The following SIRT3 variants were observed in gnomAD, a reference collection of about 807,000 sequenced individuals.
SIRT3 encodes the protein sirtuin 3.
A neutral mutation model predicts 33.5 loss-of-function variants in SIRT3; 26 were observed. The ratio of observed to expected loss-of-function variants is 0.78; its 90% confidence interval spans 0.57 to 1.08. SIRT3 has a LOEUF of 1.08. Among genes scored for constraint, SIRT3 ranks in the 50% least tolerant of loss-of-function variants. The probability of loss-of-function intolerance (pLI) is 0.00; values close to 1 mark genes in which losing one functional copy is unlikely to be tolerated. For synonymous variants in SIRT3, 237 were observed against 222.1 expected (o/e 1.07, Z -0.60); for missense variants, 585 against 530.1 (o/e 1.10, Z -1.02).
chr11:236,301 C>A lies in SIRT3; in HGVS notation c.28G>T (p.Ala10Ser). 6.6e-7 allele frequency: 1 copy of A among 1,523,370 alleles called. No homozygotes were observed. The highest frequency in any genetic ancestry group is 1.2e-5 in the South Asian group (1 of 82,156). 94.4% of individuals were successfully genotyped at this position (1,523,370 alleles called of 1,614,324 possible). A position where few individuals can be genotyped will look rare whatever the true frequency, so the allele number is the denominator to read the frequency against. ...ACCCGGCCCCACAGCCGGAGGGCTGCCGCGGCGCGCCAACCCCAGAACGCC... is the reference window on the plus strand; with the variant it reads ...ACCCGGCCCCACAGCCGGAGGGCTGACGCGGCGCGCCAACCCCAGAACGCC... MAFWGWRAA[A>S]ALRLWGRVVE... Residue 10 changes from alanine to serine, a missense_variant, in exon 1 of 7, where the codon GCA becomes TCA. Ala to Ser is a moderately conservative substitution (Grantham distance 99, BLOSUM62 1). Transcript: ENST00000382743.
intron 5 of SIRT3, 52 bp from the exon 6 acceptor site, chr11:219,093 C>A (rs752983087): frequency 6.5e-7 from 1 of 1,536,502 alleles, no homozygotes; most frequent in Non-Finnish European, 8.8e-7. Flanking sequence ...ACAAGCTCCT[C>A]AGGATGTTTC....
rs145910282 is a variant in SIRT3 at position 217,927 on chromosome 11, C to T, written c.1179+905G>A. ...GGCGGGTCTTTCCCACACTCTTCTTCTGATAGTGAATAAGTCTCACAAGAT... is the reference window on the plus strand; with the variant it reads ...GGCGGGTCTTTCCCACACTCTTCTTTTGATAGTGAATAAGTCTCACAAGAT... On this transcript the variant is annotated intron_variant, in intron 6 of 6. Transcript: ENST00000382743. 7.9e-5 allele frequency among the ~76,000 whole-genome samples: 12 copies of T among 152,306 alleles called. No homozygotes were observed. In the East Asian group the frequency reaches 1.3e-3, roughly 17 times the overall value.
chr11:218,055 G>GT (rs11395848), intron 6 of SIRT3, among the ~76,000 whole-genome samples: 21,792 of 152,078 alleles, frequency 0.14, 1,698 homozygotes, highest in South Asian at 0.33. Flanking sequence ...TGATTGTGAG[G>GT]CCCCCACAGC....
rs544625135 is a variant in SIRT3 at position 216,645 on chromosome 11, G to T, written c.*53C>A. 35 of 1,603,600 alleles carry T rather than the reference G, an allele frequency of 2.2e-5. No individual in the cohort carries two copies. In the East Asian group the frequency reaches 7.1e-4, roughly 33 times the overall value. On this transcript the variant is annotated 3_prime_UTR_variant, in exon 7 of 7. Transcript: ENST00000382743. ...TCAGGCATGAGGTCTTGTCAGAATT[G>T]GGATGTGGATGTCTCCTATGTTACC...
intron 6 of SIRT3, 126 bp from the exon 7 acceptor site, chr11:216,844 A>G: frequency 9.8e-7 from 1 of 1,023,172 alleles, no homozygotes; most frequent in South Asian, 1.3e-5. Context: ...TGCTTTCTGC[A>G]AATACTGCTG....
In SIRT3 at chr11:216,499, G is replaced by A; in HGVS notation, c.*199C>T. 6.5e-6 allele frequency: 4 copies of A among 612,304 alleles called. No homozygotes were observed. Among genetic ancestry groups the A allele is most frequent in the Non-Finnish European group, 1.2e-5 (4 of 339,376 alleles). 37.9% of individuals were successfully genotyped at this position (612,304 alleles called of 1,614,324 possible). On this transcript the variant is annotated 3_prime_UTR_variant, in exon 7 of 7. Coordinates refer to ENST00000382743, the MANE Select transcript of SIRT3 (RefSeq NM_012239.6). ...GCTCCTTTGTATATGTGACGGGGTG[G>A]CCCTGACTGTAAACACAGCCCTACC...
Position 224,253 on chromosome 11 carries a change from A to G in SIRT3, c.808-14T>C. 1.2e-6 allele frequency: 2 copies of G among 1,613,076 alleles called. No homozygotes were observed. Among genetic ancestry groups the G allele is most frequent in the South Asian group, 2.2e-5 (2 of 91,028 alleles). Reference sequence around the variant, plus strand: ...CATCACGTCAGCCTGGAAAACAGAGAAAACAGGCCTGAGGAAGATGCCTGC... The same window carrying G: ...CATCACGTCAGCCTGGAAAACAGAGGAAACAGGCCTGAGGAAGATGCCTGC... On this transcript the variant is annotated splice_polypyrimidine_tract_variant and intron_variant, in intron 4 of 6. Coordinates refer to ENST00000382743, the MANE Select transcript of SIRT3 (RefSeq NM_012239.6).
At chr11:235,161 C>T (rs1302537851) in intron 1 of SIRT3, among the ~76,000 whole-genome samples, 1 of 151,966 alleles carries the variant, frequency 6.6e-6, no homozygotes, top group Admixed American at 6.6e-5. Flanking sequence ...CAGGCGTGAG[C>T]TACCGCGCCC....
intron 1 of SIRT3, among the ~76,000 whole-genome samples, chr11:234,783 T>G (rs1054655734): frequency 6.6e-6 from 1 of 151,834 alleles, no homozygotes; most frequent in East Asian, 1.9e-4. Context: ...TGTTTGTAGG[T>G]CCTGGTCCCT....
intron 4 of SIRT3, among the ~76,000 whole-genome samples, chr11:225,224 C>T (rs1039662498): frequency 1.6e-4 from 25 of 151,970 alleles, no homozygotes; most frequent in Non-Finnish European, 3.1e-4. Flanking sequence ...CTGTCTTGGC[C>T]AACATGGTGA....
At chr11:225,471 A>T (rs1474239184) in intron 4 of SIRT3, among the ~76,000 whole-genome samples, 4 of 152,182 alleles carry the variant, frequency 2.6e-5, no homozygotes, top group Admixed American at 6.6e-5. Context: ...TAAAATTATT[A>T]AAAAATTATG....
At chr11:235,214 T>C (rs61876199) in intron 1 of SIRT3, among the ~76,000 whole-genome samples, 67 of 136,994 alleles carry the variant, frequency 4.9e-4, no homozygotes, top group Non-Finnish European at 8.2e-4. Flanking sequence ...CTTTTTTTTT[T>C]CCCACAGGTA....
Position 233,338 on chromosome 11 carries a change from A to T in SIRT3, c.473+5T>A. The T allele has an allele frequency of 6.2e-7, 1 of 1,612,684 alleles. No homozygotes were observed. On this transcript the variant is annotated splice_donor_5th_base_variant and intron_variant, in intron 2 of 6. Coordinates refer to ENST00000382743, the MANE Select transcript of SIRT3 (RefSeq NM_012239.6). ...GCAGAAGGCAGGTGGGACTGTGGGC[A>T]GTACCTGAAGTCTGGAATGCCACTG...
chr11:236,689 A>T, upstream of SIRT3: 1 of 343,020 alleles, frequency 2.9e-6, no homozygotes. Flanking sequence ...TTATATTTAC[A>T]CCTAATCCTC....
At chr11:234,235 C>G (rs1858549477) in intron 1 of SIRT3, among the ~76,000 whole-genome samples, 1 of 152,188 alleles carries the variant, frequency 6.6e-6, no homozygotes, top group African/African-American at 2.4e-5. Context: ...GTGGGGGACC[C>G]TGAGGGGCAG....
intron 5 of SIRT3, among the ~76,000 whole-genome samples, chr11:219,826 G>A (rs1265722878): frequency 6.6e-6 from 1 of 151,722 alleles, no homozygotes; most frequent in East Asian, 1.9e-4. Flanking sequence ...ATAAGGCAAA[G>A]GAAAATGACA....
chr11:222,419 AGCT>A (rs1441224698), intron 5 of SIRT3: 1 of 153,448 alleles, frequency 6.5e-6, no homozygotes, highest in East Asian at 1.9e-4. Context: ...CCGTCTTTCC[AGCT>A]GCTCCAGCCA....
At position 215,273 on chromosome 11, in the gene SIRT3, T is replaced by C. The variant is rs1328890730; in HGVS notation, c.*1425A>G. 6.6e-6 allele frequency among the ~76,000 whole-genome samples: 1 copy of C among 152,182 alleles called. No individual in the cohort carries two copies. Among genetic ancestry groups the C allele is most frequent in the African/African-American group, 2.4e-5 (1 of 41,518 alleles). ...CTTGTCTCTATTACAAATATGCCCA[T>C]GTGCTAGGTGTGGTGGGACACACCT... On this transcript the variant is annotated 3_prime_UTR_variant, in exon 7 of 7. Coordinates refer to ENST00000382743, the MANE Select transcript of SIRT3 (RefSeq NM_012239.6).
At chr11:220,348 A>G (rs1000363104) in intron 5 of SIRT3, among the ~76,000 whole-genome samples, 5 of 150,276 alleles carry the variant, frequency 3.3e-5, no homozygotes, top group African/African-American at 9.7e-5. Context: ...AAAAAAAAAA[A>G]AAGAAAGAAG....
Sources: gnomAD v4.1 joint callset for allele counts (sites outside exome capture counted in the v4.1 genomes callset) on GRCh38, gnomAD v4.1.1 for gene constraint, MANE v1.5 for transcripts, NCBI Gene and HGNC (gene_info 2026-07-23, HGNC 2026-07-21) for gene names.